TCL1A: variants seen among roughly 807,000 people sequenced by gnomAD.
TCL1A encodes T-cell leukemia/lymphoma protein 1A.
In TCL1A, 9 loss-of-function variants were observed where a neutral mutation model predicts 16.9. The observed-to-expected ratio is 0.53, with a 90% confidence interval of 0.32 to 0.93. The LOEUF is 0.93. Among genes scored for constraint, TCL1A ranks in the 40% least tolerant of loss-of-function variants. The pLI is 0.04. For synonymous variants in TCL1A, 69 were observed against 63.2 expected (o/e 1.09, Z -0.44); for missense variants, 139 against 153.0 (o/e 0.91, Z 0.48).
chr14:95,712,665 G>A, intron 1 of TCL1A: 4 of 1,413,626 alleles, frequency 2.8e-6, no homozygotes, highest in Non-Finnish European at 3.7e-6. Context: ...TTTCTGGCGG[G>A]TTGCAGCGGC....
At chr14:95,713,829 G>C in intron 1 of TCL1A, 118 bp downstream of exon 1, 1 of 1,480,274 alleles carries the variant, frequency 6.8e-7, no homozygotes, top group Non-Finnish European at 9.1e-7. Flanking sequence ...GGCTTCATCT[G>C]TGGGGATCCT....
At chr14:95,713,822 T>A (rs1886476103) in intron 1 of TCL1A, 125 bp downstream of exon 1, 1 of 1,444,910 alleles carries the variant, frequency 6.9e-7, no homozygotes, top group East Asian at 2.3e-5. Flanking sequence ...TCAAAGTGGC[T>A]TCATCTGTGG....
rs1886300181 is a variant in TCL1A, at chr14:95,710,068, T to C, written c.*820A>G. 6.6e-6 allele frequency: 1 copy of C among 152,194 alleles called. No individual in the cohort carries two copies. Among genetic ancestry groups the C allele is most frequent in the Non-Finnish European group, 1.5e-5 (1 of 68,028 alleles). The allele number at this position is 152,194 out of a possible 1,614,324, so 9.4% of individuals were successfully genotyped here. Reference sequence around the variant, plus strand: ...ATTCCGCACGAAGTTAGATAAACTATCTTGCATTTAATCAATCATTACAAA... The same window carrying C: ...ATTCCGCACGAAGTTAGATAAACTACCTTGCATTTAATCAATCATTACAAA... On this transcript the variant is annotated 3_prime_UTR_variant, in exon 4 of 4. Coordinates refer to ENST00000402399, the MANE Select transcript of TCL1A (RefSeq NM_021966.3).
Position 95,709,980 on chromosome 14 carries a change from T to A in TCL1A, c.*908A>T, listed in dbSNP as rs1173663693. On this transcript the variant is annotated 3_prime_UTR_variant, in exon 4 of 4. Transcript: ENST00000402399. The stretch of plus-strand genomic sequence containing the variant: ...AAAATAAATAAATCCATGAATATTT[T>A]TTATTTGGGGGCTGCCTATTCTCAC... The A allele has an allele frequency of 6.6e-6, 1 of 152,198 alleles. No individual in the cohort carries two copies. The highest frequency in any genetic ancestry group is 1.5e-5 in the Non-Finnish European group (1 of 68,028). 9.4% of individuals were successfully genotyped at this position (152,198 alleles called of 1,614,324 possible).
chr14:95,711,718 C>G, intron 3 of TCL1A, 31 bp downstream of exon 3: 1 of 1,610,996 alleles, frequency 6.2e-7, no homozygotes, highest in Non-Finnish European at 8.5e-7. Context: ...CCACTGTGGA[C>G]TAAGAGGGGT....
intron 1 of TCL1A, chr14:95,712,728 G>A (rs1328636433): frequency 2.3e-6 from 3 of 1,312,846 alleles, no homozygotes; most frequent in Non-Finnish European, 3.0e-6. Flanking sequence ...GATCGCTTGA[G>A]GCCAGGAGTT....
chr14:95,711,295 TAAAAAA>T (rs1163643091), intron 3 of TCL1A, among the ~76,000 whole-genome samples: 17 of 79,770 alleles, frequency 2.1e-4, no homozygotes, highest in African/African-American at 7.7e-4. Flanking sequence ...CCGTCTCTAC[TAAAAAA>T]AAAAAAAAAA....
At chr14:95,712,021 T>C in intron 2 of TCL1A, 199 bp downstream of exon 2, 2 of 863,914 alleles carry the variant, frequency 2.3e-6, no homozygotes, top group Admixed American at 2.5e-5. Context: ...TGGGAGGAAG[T>C]GGAGGTAGGG....
intron 1 of TCL1A, chr14:95,712,845 GGCAAA>G: frequency 2.3e-6 from 1 of 431,878 alleles, no homozygotes; most frequent in South Asian, 2.0e-5. Flanking sequence ...AATGATGTGA[GGCAAA>G]ATCTGTCCCA....
Position 95,714,085 on chromosome 14 carries a change from A to G in TCL1A, c.-19T>C. The G allele has an allele frequency of 1.1e-5, 17 of 1,612,554 alleles. No individual in the cohort carries two copies. The highest frequency in any genetic ancestry group is 1.4e-5 in the Non-Finnish European group (17 of 1,179,856). On this transcript the variant is annotated 5_prime_UTR_variant, in exon 1 of 4. Coordinates refer to ENST00000402399, the MANE Select transcript of TCL1A (RefSeq NM_021966.3). ...CGGCCATGGCGTCCTCGGGCCGCCT[A>G]AGAAGCAAGAGCCAGAGCCTCTCAA...
At chr14:95,713,676 G>C (rs966826516) in intron 1 of TCL1A, among the ~76,000 whole-genome samples, 1 of 152,296 alleles carries the variant, frequency 6.6e-6, no homozygotes, top group East Asian at 1.9e-4. Context: ...CCGAAGCCCA[G>C]AAAATGCCTG....
chr14:95,713,735 T>C (rs1886464485), intron 1 of TCL1A, among the ~76,000 whole-genome samples: 2 of 152,298 alleles, frequency 1.3e-5, no homozygotes, highest in African/African-American at 2.4e-5. Context: ...GTCCACCCCT[T>C]TGACCGACAT....
chr14:95,713,065 A>T (rs561674978), intron 1 of TCL1A, among the ~76,000 whole-genome samples: 216 of 152,360 alleles, frequency 1.4e-3, no homozygotes, highest in African/African-American at 5.1e-3. Flanking sequence ...AAACATATTT[A>T]AAAAATTGAA....
chr14:95,713,515 C>G (rs190390831), intron 1 of TCL1A, among the ~76,000 whole-genome samples: 2 of 152,300 alleles, frequency 1.3e-5, no homozygotes, highest in Admixed American at 6.5e-5. Flanking sequence ...ATACTTCACA[C>G]TCTAGGCCAG....
intron 1 of TCL1A, chr14:95,712,628 CAGA>C: frequency 6.8e-7 from 1 of 1,477,346 alleles, no homozygotes; most frequent in African/African-American, 1.4e-5. Context: ...TCTAGCCACC[CAGA>C]CAGGGCCATG....
intron 1 of TCL1A, chr14:95,712,816 A>G (rs759110794): frequency 6.4e-6 from 4 of 625,294 alleles, no homozygotes; most frequent in East Asian, 6.7e-5. Context: ...AAAGAGAGAA[A>G]AAGAATACTG....
intron 3 of TCL1A, chr14:95,711,433 C>T (rs760659462): frequency 4.5e-6 from 1 of 224,020 alleles, no homozygotes; most frequent in African/African-American, 2.3e-5. Flanking sequence ...TGCACCACTA[C>T]ACTCTAGCCT....
chr14:95,712,412 G>C lies in TCL1A; in HGVS notation c.121-16C>G, dbSNP rs1360481605. 6.3e-7 allele frequency: 1 copy of C among 1,585,348 alleles called. No individual in the cohort carries two copies. Among genetic ancestry groups the C allele is most frequent in the Non-Finnish European group, 8.6e-7 (1 of 1,162,126 alleles). On this transcript the variant is annotated splice_polypyrimidine_tract_variant and intron_variant, in intron 1 of 3. Coordinates refer to ENST00000402399, the MANE Select transcript of TCL1A (RefSeq NM_021966.3). ...TATCCTTTATCTGAGGAGAAGAAAA[G>C]GACAGGGCATACTTTCAGGTTCCGC... is the stretch of plus-strand genomic sequence containing the variant.
At chr14:95,713,889 C>T in intron 1 of TCL1A, 58 bp downstream of exon 1, 5 of 1,601,252 alleles carry the variant, frequency 3.1e-6, no homozygotes, top group South Asian at 1.1e-5. Context: ...CCTAGGGCAT[C>T]CCAAGCTCCC....
Sources: allele counts gnomAD v4.1 joint callset (sites outside exome capture counted in the v4.1 genomes callset), GRCh38; gene constraint gnomAD v4.1.1; transcripts MANE v1.5; gene names NCBI Gene and HGNC (gene_info 2026-07-23, HGNC 2026-07-21).